Variants in RUNX1 observed in about 807,000 individuals in gnomAD.
The protein encoded by RUNX1 is RUNX family transcription factor 1, also known as runt-related transcription factor 1.
In RUNX1, 19 loss-of-function variants were observed where a neutral mutation model predicts 42.8. The observed-to-expected ratio is 0.44, with a 90% confidence interval of 0.31 to 0.65. The LOEUF (loss-of-function observed/expected upper bound fraction) is 0.65. Ranked by LOEUF, RUNX1 falls within the 30% of genes least tolerant of loss-of-function variation. RUNX1 has a pLI of 0.07. For missense variants in RUNX1, 528 were observed against 672.0 expected, an observed-to-expected ratio of 0.79 and a Z score of 2.37; for synonymous variants, 271 against 289.4, an observed-to-expected ratio of 0.94 and a Z score of 0.64.
intron 2 of RUNX1, among the ~76,000 whole-genome samples, chr21:35,001,333 TAC>T (rs1382680884): frequency 1.7e-4 from 24 of 142,342 alleles, no homozygotes; most frequent in Middle Eastern, 3.6e-3. Flanking sequence ...TATATATATA[TAC>T]GCATATATAA....
Position 34,935,211 on chromosome 21 carries a change from G to A in RUNX1, c.59-42248C>T, listed in dbSNP as rs573074443. Among the ~76,000 whole-genome samples the A allele has an allele frequency of 1.7e-4, 26 of 152,208 alleles. 1 individual carries two copies. Among genetic ancestry groups the A allele is most frequent in the African/African-American group, 5.5e-4 (23 of 41,544 alleles). On this transcript the variant is annotated intron_variant, in intron 2 of 8. Transcript: ENST00000675419. Reference sequence around the variant, plus strand: ...GTTCTTTGGGAGCCTGAAGACAACCGAGAAATGGGTCCTACAGCTGTGAGC... The same window carrying A: ...GTTCTTTGGGAGCCTGAAGACAACCAAGAAATGGGTCCTACAGCTGTGAGC...
intron 6 of RUNX1, among the ~76,000 whole-genome samples, chr21:34,855,860 T>C (rs2057488795): frequency 6.6e-6 from 1 of 152,224 alleles, no homozygotes; most frequent in Non-Finnish European, 1.5e-5. Flanking sequence ...AGAGCCCACC[T>C]TGGTGCTGGT....
chr21:34,967,757 G>A (rs138982682), intron 2 of RUNX1, among the ~76,000 whole-genome samples: 209 of 152,286 alleles, frequency 1.4e-3, no homozygotes, highest in Admixed American at 2.2e-3. Flanking sequence ...GTGAAAGACT[G>A]CAGCTAGAAG....
chr21:34,892,075 T>C (rs950311761), intron 3 of RUNX1, among the ~76,000 whole-genome samples: 4 of 152,230 alleles, frequency 2.6e-5, no homozygotes, highest in African/African-American at 9.6e-5. Flanking sequence ...GCGAGCAATA[T>C]ATTTCCAAAA....
chr21:34,908,028 A>G (rs562103890), intron 2 of RUNX1, among the ~76,000 whole-genome samples: 7 of 152,110 alleles, frequency 4.6e-5, no homozygotes. Context: ...ATGCTCTGCC[A>G]CTCCTCCAAG....
chr21:34,817,015 C>T (rs1470708308), intron 7 of RUNX1, among the ~76,000 whole-genome samples: 1 of 152,200 alleles, frequency 6.6e-6, no homozygotes, highest in African/African-American at 2.4e-5. Flanking sequence ...GCAACACCTG[C>T]TTCTTCGGCC....
intron 7 of RUNX1, among the ~76,000 whole-genome samples, chr21:34,826,753 A>C (rs544019269): frequency 6.6e-6 from 1 of 152,242 alleles, no homozygotes; most frequent in South Asian, 2.1e-4. Context: ...CTGTGAATTA[A>C]ATTTATTTTC....
intron 2 of RUNX1, among the ~76,000 whole-genome samples, chr21:34,951,500 C>A (rs902437323): frequency 2.0e-5 from 3 of 152,180 alleles, no homozygotes; most frequent in Middle Eastern, 6.8e-3. Flanking sequence ...GGCTAATATC[C>A]AGAATCTGTG....
intron 2 of RUNX1, among the ~76,000 whole-genome samples, chr21:35,024,428 C>G (rs1053601949): frequency 2.0e-5 from 3 of 152,230 alleles, no homozygotes; most frequent in Admixed American, 1.3e-4. Flanking sequence ...TTTGGAATCT[C>G]TCTCTCATAG....
intron 2 of RUNX1, among the ~76,000 whole-genome samples, chr21:34,973,045 T>C (rs1000973011): frequency 1.3e-5 from 2 of 152,174 alleles, no homozygotes; most frequent in African/African-American, 4.8e-5. Context: ...TCAAAACCAA[T>C]ATATCCCAAA....
chr21:34,929,415 G>T (rs9979181), intron 2 of RUNX1, among the ~76,000 whole-genome samples: 3 of 152,028 alleles, frequency 2.0e-5, no homozygotes, highest in Non-Finnish European at 4.4e-5. Context: ...TTTTAGGGGC[G>T]GTGGGTGAGG....
chr21:34,822,818 A>G (rs1422365920), intron 7 of RUNX1, among the ~76,000 whole-genome samples: 1 of 152,194 alleles, frequency 6.6e-6, no homozygotes, highest in African/African-American at 2.4e-5. Context: ...GAGTGGCCAC[A>G]ACAGTGTTAT....
At position 34,907,969 on chromosome 21, in the gene RUNX1, CAG is replaced by C. The variant is rs747505400; in HGVS notation, c.59-15008_59-15007del. 1.4e-4 allele frequency among the ~76,000 whole-genome samples: 22 copies of C among 152,286 alleles called. No homozygotes were observed. The East Asian group carries it at 3.9e-3, about 27-fold the overall frequency. Reference sequence around the variant, plus strand: ...GAGTGGCTCTTCTAAGCTCCCGAAACAGTGGCTGATCTGGGACCCCCTGACCT... The same window carrying C: ...GAGTGGCTCTTCTAAGCTCCCGAAACTGGCTGATCTGGGACCCCCTGACCT... On this transcript the variant is annotated intron_variant, in intron 2 of 8. Transcript: ENST00000675419. The surrounding 1 kb of genome is among the most constrained non-coding windows in gnomAD (Gnocchi z 5.3).
At chr21:34,985,951 A>T (rs558220967) in intron 2 of RUNX1, among the ~76,000 whole-genome samples, 2 of 145,902 alleles carry the variant, frequency 1.4e-5, no homozygotes, top group East Asian at 4.1e-4. Context: ...TGGTCGCTGC[A>T]GCCTCAACCT....
chr21:34,859,699 C>T, intron 5 of RUNX1, 121 bp from the exon 6 acceptor site: 1 of 867,008 alleles, frequency 1.2e-6, no homozygotes, highest in Non-Finnish European at 2.0e-6. Context: ...GTTTTGACAA[C>T]ACTCCCGGAA....
chr21:34,981,860 TTCTG>T (rs1447227325), intron 2 of RUNX1, among the ~76,000 whole-genome samples: 10 of 152,280 alleles, frequency 6.6e-5, no homozygotes, highest in Non-Finnish European at 1.5e-4. Flanking sequence ...AGACCGGTCT[TTCTG>T]TATCTGTAGG....
chr21:34,908,182 CAA>C, intron 2 of RUNX1, among the ~76,000 whole-genome samples: 2 of 152,176 alleles, frequency 1.3e-5, no homozygotes, highest in East Asian at 3.9e-4. Context: ...ACTCCAGCCC[CAA>C]AAAAGTCATT....
intron 2 of RUNX1, among the ~76,000 whole-genome samples, chr21:35,005,816 T>C (rs1249521416): frequency 1.3e-5 from 2 of 152,202 alleles, no homozygotes; most frequent in South Asian, 2.1e-4. Flanking sequence ...CATGCCAGTG[T>C]CAGGTGAGTA....
intron 3 of RUNX1, 171 bp from the exon 4 acceptor site, chr21:34,887,267 G>T: frequency 3.1e-6 from 4 of 1,273,336 alleles, no homozygotes; most frequent in Non-Finnish European, 2.0e-6. Context: ...GTGGTTAGGG[G>T]AGGAGGGAGA....
Sources: allele counts gnomAD v4.1 joint callset (sites outside exome capture counted in the v4.1 genomes callset), GRCh38; gene constraint gnomAD v4.1.1; non-coding constraint Gnocchi (gnomAD v3.1); transcripts MANE v1.5; gene names NCBI Gene and HGNC (gene_info 2026-07-23, HGNC 2026-07-21).